METAP1: variants seen among roughly 807,000 people sequenced by gnomAD.
The protein encoded by METAP1 is methionine aminopeptidase 1.
In METAP1, 28 loss-of-function variants were observed where a neutral mutation model predicts 53.8. That is an observed-to-expected ratio of 0.52 (90% CI 0.39 to 0.71). The LOEUF (loss-of-function observed/expected upper bound fraction) is 0.71, where lower values mean the gene tolerates loss of function less well. METAP1 is among the 30% of genes least tolerant of loss of function. METAP1 has a pLI of 0.00. For missense variants in METAP1, 389 were observed against 479.8 expected, an observed-to-expected ratio of 0.81 and a Z score of 1.77; for synonymous variants, 181 against 165.7, an observed-to-expected ratio of 1.09 and a Z score of -0.71.
At chr4:99,055,804 C>T (rs1190416272) in intron 9 of METAP1, among the ~76,000 whole-genome samples, 2 of 152,278 alleles carry the variant, frequency 1.3e-5, no homozygotes, top group East Asian at 3.9e-4. Context: ...TCTGTGACAC[C>T]ACACTGACAT....
intron 9 of METAP1, among the ~76,000 whole-genome samples, chr4:99,050,449 AGGT>A (rs921787619): frequency 2.0e-5 from 3 of 152,176 alleles, no homozygotes; most frequent in Admixed American, 6.5e-5. Context: ...TGCAGGTGTG[AGGT>A]GGTAAAATCC....
chr4:99,019,870 A>T (rs1723981845), intron 1 of METAP1, among the ~76,000 whole-genome samples: 1 of 152,120 alleles, frequency 6.6e-6, no homozygotes, highest in African/African-American at 2.4e-5. Flanking sequence ...ATACCTTCTT[A>T]TCTGCTCCCT....
chr4:99,045,217 C>A lies in METAP1; in HGVS notation c.694C>A (p.Leu232Met). The A allele has an allele frequency of 1.2e-6, 2 of 1,613,630 alleles. No homozygotes were observed. Among genetic ancestry groups the A allele is most frequent in the Non-Finnish European group, 8.5e-7 (1 of 1,179,680 alleles). ...TLYRNGYHGDLNETFFVGEVD... is the reference protein window; with the variant it reads ...TLYRNGYHGDMNETFFVGEVD... ...TTATCGCAATGGTTATCATGGGGAC[C>A]TGAATGAGACATTTTTTGTTGGAGA... The change falls in exon 8 of 11, where the codon CTG becomes ATG. Residue 232 changes from leucine to methionine, a missense_variant. Coordinates refer to ENST00000296411, the MANE Select transcript of METAP1 (RefSeq NM_015143.3).
At chr4:99,008,570 A>G (rs1723299605) in intron 1 of METAP1, among the ~76,000 whole-genome samples, 1 of 152,194 alleles carries the variant, frequency 6.6e-6, no homozygotes, top group South Asian at 2.1e-4. Flanking sequence ...TATACAGGTT[A>G]AGAACATGGA....
At chr4:98,995,998 TC>T (rs1340495877) in intron 1 of METAP1, 131 bp downstream of exon 1, 6 of 722,024 alleles carry the variant, frequency 8.3e-6, no homozygotes, top group East Asian at 3.1e-5. Flanking sequence ...CGTTTCCTCC[TC>T]CCCCCACCCG....
chr4:99,051,730 C>G (rs1726721956), intron 9 of METAP1, among the ~76,000 whole-genome samples: 1 of 151,512 alleles, frequency 6.6e-6, no homozygotes, highest in African/African-American at 2.4e-5. Flanking sequence ...TTATGTAAAA[C>G]AAAATATGCA....
intron 5 of METAP1, among the ~76,000 whole-genome samples, chr4:99,040,657 C>CT (rs11308360): frequency 0.013 from 1,745 of 133,924 alleles, 25 homozygotes; most frequent in African/African-American, 0.037. Context: ...CACCTGACTA[C>CT]TTTTTTTTTT....
intron 1 of METAP1, among the ~76,000 whole-genome samples, chr4:99,018,669 T>TG (rs1723917629): frequency 6.6e-6 from 1 of 152,114 alleles, no homozygotes; most frequent in South Asian, 2.1e-4. Context: ...GTAGCGTGAG[T>TG]GGTTTGAACT....
chr4:99,035,862 G>T, intron 4 of METAP1: 1 of 156,052 alleles, frequency 6.4e-6, no homozygotes, highest in East Asian at 1.9e-4. Flanking sequence ...AAGTAGTAAT[G>T]GTGGTGATAG....
At chr4:99,012,630 A>T (rs1382635147) in intron 1 of METAP1, among the ~76,000 whole-genome samples, 1 of 121,184 alleles carries the variant, frequency 8.3e-6, no homozygotes, top group Non-Finnish European at 1.8e-5. Context: ...CTTTTAAAAC[A>T]TCTTTGGCTG....
chr4:99,026,310 A>AAAT (rs1479905706), intron 1 of METAP1: 14 of 985,008 alleles, frequency 1.4e-5, no homozygotes, highest in Non-Finnish European at 1.4e-5. Context: ...TGGTGTTATT[A>AAAT]AATAAGTGGA....
At chr4:99,034,729 T>C (rs1233848336) in intron 3 of METAP1, among the ~76,000 whole-genome samples, 6 of 152,172 alleles carry the variant, frequency 3.9e-5, no homozygotes, top group African/African-American at 1.4e-4. Flanking sequence ...CAACCTTCCG[T>C]ATCACAGATT....
chr4:99,051,155 CCTTA>C (rs752301004), intron 9 of METAP1, among the ~76,000 whole-genome samples: 66 of 152,104 alleles, frequency 4.3e-4, no homozygotes, highest in African/African-American at 1.5e-3. Context: ...AAAACAGTCC[CCTTA>C]CTTGCAGAAG....
intron 1 of METAP1, among the ~76,000 whole-genome samples, chr4:98,996,813 G>A (rs1272426336): frequency 6.6e-6 from 1 of 152,190 alleles, no homozygotes; most frequent in Non-Finnish European, 1.5e-5. Flanking sequence ...TCCAGGTTTA[G>A]TGAAGAGAGG....
intron 9 of METAP1, among the ~76,000 whole-genome samples, chr4:99,053,986 A>G (rs72910927): frequency 0.037 from 5,519 of 148,042 alleles, 302 homozygotes; most frequent in African/African-American, 0.14. Context: ...TTCTGTTTCT[A>G]GAGCACAGGC....
At chr4:99,047,641 A>G (rs1726368113) in intron 8 of METAP1, among the ~76,000 whole-genome samples, 1 of 152,200 alleles carries the variant, frequency 6.6e-6, no homozygotes, top group African/African-American at 2.4e-5. Flanking sequence ...ATGGATGGGA[A>G]AGATACATTG....
chr4:99,060,017 C>T (rs1727426206), intron 10 of METAP1, among the ~76,000 whole-genome samples: 1 of 152,120 alleles, frequency 6.6e-6, no homozygotes, highest in Non-Finnish European at 1.5e-5. Flanking sequence ...ACATGATTTC[C>T]TTCACAATAT....
chr4:99,048,905 G>C, intron 9 of METAP1, 29 bp downstream of exon 9: 4 of 1,601,354 alleles, frequency 2.5e-6, no homozygotes, highest in Non-Finnish European at 3.4e-6. Context: ...TTTGGTATAA[G>C]CTCACCATTT....
At chr4:99,007,174 G>T (rs1471200722) in intron 1 of METAP1, among the ~76,000 whole-genome samples, 1 of 151,948 alleles carries the variant, frequency 6.6e-6, no homozygotes, top group Non-Finnish European at 1.5e-5. Flanking sequence ...CCGGGCTGCT[G>T]TCTCACTCCT....
Sources: allele counts gnomAD v4.1 joint callset (sites outside exome capture counted in the v4.1 genomes callset), GRCh38; gene constraint gnomAD v4.1.1; transcripts MANE v1.5; gene names NCBI Gene and HGNC (gene_info 2026-07-23, HGNC 2026-07-21).